The following PTPRJ variants were observed in gnomAD, a reference collection of about 807,000 sequenced individuals.
The protein encoded by PTPRJ is receptor-type tyrosine-protein phosphatase eta.
A neutral mutation model predicts 141.3 loss-of-function variants in PTPRJ; 129 were observed. That is an observed-to-expected ratio of 0.91 (90% CI 0.79 to 1.06). The LOEUF (loss-of-function observed/expected upper bound fraction) is 1.06. PTPRJ is among the 50% of genes least tolerant of loss of function. The pLI is 0.00. For missense variants in PTPRJ, 1,601 were observed against 1,679.7 expected (o/e 0.95, Z 0.82); for synonymous variants, 610 against 640.5 (o/e 0.95, Z 0.72).
intron 10 of PTPRJ, 62 bp from the exon 11 acceptor site, chr11:48,139,424 A>G (rs1408262361): frequency 6.4e-7 from 1 of 1,561,784 alleles, no homozygotes; most frequent in Admixed American, 1.7e-5. Context: ...GCTACTCCCT[A>G]TTTCCATGTT....
chr11:48,018,331 C>G (rs929600760), intron 1 of PTPRJ, among the ~76,000 whole-genome samples: 1 of 151,918 alleles, frequency 6.6e-6, no homozygotes, highest in African/African-American at 2.4e-5. Context: ...AAGCTACACA[C>G]CCGGGATGCT....
intron 2 of PTPRJ, among the ~76,000 whole-genome samples, chr11:48,112,198 G>A (rs547160756): frequency 1.3e-5 from 2 of 152,294 alleles, no homozygotes; most frequent in Non-Finnish European, 2.9e-5. Flanking sequence ...CAGACAGAAC[G>A]TCTGGTCACA....
chr11:48,090,730 C>G (rs1343941560), intron 1 of PTPRJ, among the ~76,000 whole-genome samples: 1 of 152,128 alleles, frequency 6.6e-6, no homozygotes, highest in African/African-American at 2.4e-5. Context: ...AGGAGTGTAC[C>G]TTTCCCTTTC....
chr11:47,981,933 G>T (rs2134168805), intron 1 of PTPRJ, among the ~76,000 whole-genome samples: 1 of 152,358 alleles, frequency 6.6e-6, no homozygotes, highest in South Asian at 2.1e-4. Flanking sequence ...CGCAGGGGAA[G>T]CGGTCTAGGG....
At chr11:48,119,004 G>A (rs930439784) in intron 3 of PTPRJ, among the ~76,000 whole-genome samples, 2 of 109,062 alleles carry the variant, frequency 1.8e-5, no homozygotes, top group South Asian at 3.5e-4. Context: ...TGGGTGACGA[G>A]CAAGACTTCG....
At chr11:48,129,502 C>T (rs1270893979) in intron 7 of PTPRJ, among the ~76,000 whole-genome samples, 1 of 152,104 alleles carries the variant, frequency 6.6e-6, no homozygotes, top group East Asian at 1.9e-4. Context: ...ACCCTGTCTC[C>T]AAAGACAGCC....
chr11:48,065,908 G>A (rs1333287081), intron 1 of PTPRJ, among the ~76,000 whole-genome samples: 1 of 152,222 alleles, frequency 6.6e-6, no homozygotes, highest in East Asian at 1.9e-4. Flanking sequence ...TACCATGCTG[G>A]CCTTCATGTT....
intron 1 of PTPRJ, among the ~76,000 whole-genome samples, chr11:48,062,638 A>G (rs1854970200): frequency 6.6e-6 from 1 of 152,192 alleles, no homozygotes; most frequent in African/African-American, 2.4e-5. Flanking sequence ...CAATGTGGAG[A>G]TAGAAAATTG....
At position 48,123,665 on chromosome 11, in the gene PTPRJ, T is replaced by C. The variant is rs1419226302; in HGVS notation, c.669T>C (p.Ala223=). ...LRVALTGVRK[A]ALSWSNGNGT... ...TTGCCCTCACGGGTGTGAGGAAGGC[T>C]GCTCTCTCCTGGAGCAATGGCAATG... is the stretch of plus-strand genomic sequence containing the variant. Residue 223 remains alanine (A), a synonymous_variant, in exon 5 of 25, where the codon GCT becomes GCC. Coordinates refer to ENST00000418331, the MANE Select transcript of PTPRJ (RefSeq NM_002843.4). The C allele has an allele frequency of 6.2e-7, 1 of 1,614,126 alleles. No homozygotes were observed. The highest frequency in any genetic ancestry group is 2.2e-5 in the East Asian group (1 of 44,896).
intron 1 of PTPRJ, among the ~76,000 whole-genome samples, chr11:48,101,950 A>G (rs1385286475): frequency 1.3e-5 from 2 of 152,122 alleles, no homozygotes; most frequent in African/African-American, 2.4e-5. Flanking sequence ...TACATTTTAT[A>G]TTCATATTGT....
intron 4 of PTPRJ, 76 bp from the exon 5 acceptor site, chr11:48,123,537 C>T: frequency 6.7e-7 from 1 of 1,482,822 alleles, no homozygotes; most frequent in East Asian, 2.3e-5. Flanking sequence ...GCTCCCAGCA[C>T]TGAACCCCAG....
rs1163157085 is a variant in PTPRJ at position 48,168,203 on chromosome 11, G to A, written c.*841G>A. 6.6e-6 allele frequency: 1 copy of A among 152,046 alleles called. No individual in the cohort carries two copies. The highest frequency in any genetic ancestry group is 1.5e-5 in the Non-Finnish European group (1 of 68,006). The allele number at this position is 152,046 out of a possible 1,614,324, so 9.4% of individuals were successfully genotyped here. On this transcript the variant is annotated 3_prime_UTR_variant, in exon 25 of 25. Coordinates refer to ENST00000418331, the MANE Select transcript of PTPRJ (RefSeq NM_002843.4). ...CAAATATCACCTTGAGAATTTCTGT[G>A]GGTGGGAATGGGAGAAGCAGAGGAA...
At chr11:48,007,368 C>T (rs1854651867) in intron 1 of PTPRJ, among the ~76,000 whole-genome samples, 1 of 151,948 alleles carries the variant, frequency 6.6e-6, no homozygotes, top group Non-Finnish European at 1.5e-5. Flanking sequence ...CTCGGCCTCC[C>T]AAAGTGCTGG....
intron 1 of PTPRJ, among the ~76,000 whole-genome samples, chr11:48,014,165 C>T (rs528777871): frequency 9.7e-4 from 147 of 152,214 alleles, no homozygotes; most frequent in African/African-American, 3.3e-3. Context: ...TGGCCCCTTT[C>T]CTTGTTAGGA....
chr11:48,155,117 C>CT (rs969377224), intron 19 of PTPRJ, among the ~76,000 whole-genome samples: 30 of 152,096 alleles, frequency 2.0e-4, no homozygotes, highest in Non-Finnish European at 1.2e-4. Flanking sequence ...TGTGTGTATG[C>CT]TTTTGAGATG....
intron 1 of PTPRJ, among the ~76,000 whole-genome samples, chr11:48,106,763 C>CTTTTTTT (rs35643138): frequency 4.7e-4 from 41 of 86,354 alleles, no homozygotes; most frequent in East Asian, 6.6e-4. Flanking sequence ...TTCTTTCTTT[C>CTTTTTTT]TTTTTTTTTT....
chr11:48,075,600 T>G (rs1035932119), intron 1 of PTPRJ, among the ~76,000 whole-genome samples: 4 of 151,376 alleles, frequency 2.6e-5, no homozygotes, highest in Non-Finnish European at 4.4e-5. Flanking sequence ...ATTTTTTTTG[T>G]GTGTGTGTGT....
At position 48,169,329 on chromosome 11, in the gene PTPRJ, T is replaced by C. The variant is rs901601248; in HGVS notation, c.*1967T>C. On this transcript the variant is annotated 3_prime_UTR_variant, in exon 25 of 25. Coordinates refer to ENST00000418331, the MANE Select transcript of PTPRJ (RefSeq NM_002843.4). Reference sequence around the variant, plus strand: ...AGTAAGCAGTTCATTGAGTATCAGGTCCTCAAAGGAATGAGTTGGCCCGGC... The same window carrying C: ...AGTAAGCAGTTCATTGAGTATCAGGCCCTCAAAGGAATGAGTTGGCCCGGC... 2.6e-5 allele frequency: 4 copies of C among 152,146 alleles called. No homozygotes were observed. The highest frequency in any genetic ancestry group is 9.7e-5 in the African/African-American group (4 of 41,426). 9.4% of individuals were successfully genotyped at this position (152,146 alleles called of 1,614,324 possible).
intron 1 of PTPRJ, among the ~76,000 whole-genome samples, chr11:48,002,759 G>A (rs1854532533): frequency 1.3e-5 from 2 of 152,196 alleles, no homozygotes; most frequent in Non-Finnish European, 2.9e-5. Context: ...GCTTTGCCCT[G>A]TTTTGATAAA....
Sources: allele counts gnomAD v4.1 joint callset (sites outside exome capture counted in the v4.1 genomes callset), GRCh38; gene constraint gnomAD v4.1.1; transcripts MANE v1.5; gene names NCBI Gene and HGNC (gene_info 2026-07-23, HGNC 2026-07-21).